PAK2: variants seen among roughly 807,000 people sequenced by gnomAD.
The protein encoded by PAK2 is serine/threonine-protein kinase PAK 2.
PAK2 carries 21 observed loss-of-function variants against 65.9 expected under a neutral mutation model. The ratio of observed to expected loss-of-function variants is 0.32; its 90% CI spans 0.23 to 0.46. The LOEUF (loss-of-function observed/expected upper bound fraction) is 0.46. PAK2 is among the 20% of genes least tolerant of loss of function. PAK2 has a pLI of 1.00. For missense variants in PAK2, 324 were observed against 642.6 expected, an observed-to-expected ratio of 0.50 and a Z score of 5.36; for synonymous variants, 204 against 219.7, an observed-to-expected ratio of 0.93 and a Z score of 0.63.
rs941629608 is a variant in PAK2 at position 196,740,034 on chromosome 3, C to T, written c.-145C>T. On this transcript the variant is annotated 5_prime_UTR_variant, in exon 1 of 15. Transcript: ENST00000327134. Reference sequence around the variant, plus strand: ...GCTGCTCCAGCGCGGCGTCTCTTCCCGCCCCGCTTCCCCTTCCCTCCCCTC... The same window carrying T: ...GCTGCTCCAGCGCGGCGTCTCTTCCTGCCCCGCTTCCCCTTCCCTCCCCTC... 2.0e-4 allele frequency: 30 copies of T among 152,086 alleles called. No homozygotes were observed. Among genetic ancestry groups the T allele is most frequent in the African/African-American group, 6.3e-4 (26 of 41,416 alleles). 9.4% of individuals were successfully genotyped at this position (152,086 alleles called of 1,614,324 possible). A position where few individuals can be genotyped will look rare whatever the true frequency, so the allele number is the denominator to read the frequency against.
intron 1 of PAK2, among the ~76,000 whole-genome samples, chr3:196,759,504 T>TGTTTTTTTTG (rs1279596572): frequency 7.2e-5 from 1 of 13,814 alleles, no homozygotes. Flanking sequence ...TTTTGTTTTT[T>TGTTTTTTTTG]TTTTTTTTTT....
chr3:196,749,404 A>G (rs1323502119), intron 1 of PAK2, among the ~76,000 whole-genome samples: 1 of 152,082 alleles, frequency 6.6e-6, no homozygotes, highest in African/African-American at 2.4e-5. Context: ...CCTTTTTAAC[A>G]CAACCGTTGT....
At chr3:196,758,274 A>G (rs112409777) in intron 1 of PAK2, among the ~76,000 whole-genome samples, 3,011 of 152,330 alleles carry the variant, frequency 0.02, 102 homozygotes, top group African/African-American at 0.068. Flanking sequence ...GAAATAAACC[A>G]ATACTTGTGG....
In PAK2 at chr3:196,812,248, A is replaced by T. The variant is rs1715852439; in HGVS notation, c.803A>T (p.Asp268Val). Residue 268 changes from aspartate to valine, a missense_variant, in exon 9 of 15, where the codon GAC (aspartate) becomes GTC (valine). Asp to Val is a radical substitution (Grantham distance 152). Transcript: ENST00000327134. ...TCTGGTACAGTTTTCACTGCTACTG[A>T]CGTTGCACTGGGACAGGAGGTAGTT... ...GASGTVFTATDVALGQEVAIK... is the reference protein window; with the variant it reads ...GASGTVFTATVVALGQEVAIK... 1 of 1,590,392 alleles carries T rather than the reference A, an allele frequency of 6.3e-7. No homozygotes were observed. The highest frequency in any genetic ancestry group is 8.6e-7 in the Non-Finnish European group (1 of 1,158,730).
chr3:196,801,429 T>C (rs947663397), intron 2 of PAK2, among the ~76,000 whole-genome samples: 2 of 152,208 alleles, frequency 1.3e-5, no homozygotes, highest in African/African-American at 4.8e-5. Flanking sequence ...GACAGTCTGC[T>C]TTACTTCATT....
chr3:196,818,038 G>T lies in PAK2; in HGVS notation c.1054-19G>T. 1.0e-6 allele frequency: 1 copy of T among 979,078 alleles called. No individual in the cohort carries two copies. Among genetic ancestry groups the T allele is most frequent in the Non-Finnish European group, 1.6e-6 (1 of 606,296 alleles). 60.6% of individuals were successfully genotyped at this position (979,078 alleles called of 1,614,324 possible). A position where few individuals can be genotyped will look rare whatever the true frequency, so the allele number is the denominator to read the frequency against. On this transcript the variant is annotated intron_variant, in intron 11 of 14. Coordinates refer to ENST00000327134, the MANE Select transcript of PAK2 (RefSeq NM_002577.4). ...TTTTCAGGGACTATTTCATTAATAG[G>T]TGTTTTTCTTCTGTTCAGTGTTTAC...
chr3:196,827,172 T>A (rs1157393494), intron 13 of PAK2, 24 bp from the exon 14 acceptor site: 2 of 1,550,310 alleles, frequency 1.3e-6, no homozygotes, highest in Non-Finnish European at 1.8e-6. Context: ...CTTAAGTGGA[T>A]CAAAGATGTT....
At chr3:196,821,186 T>G (rs2108773480) in intron 13 of PAK2, among the ~76,000 whole-genome samples, 1 of 152,070 alleles carries the variant, frequency 6.6e-6, no homozygotes, top group African/African-American at 2.4e-5. Context: ...ACATTATCAG[T>G]TATTAAGGAA....
At chr3:196,795,550 T>C (rs1237153366) in intron 2 of PAK2, among the ~76,000 whole-genome samples, 5 of 152,072 alleles carry the variant, frequency 3.3e-5, no homozygotes, top group Non-Finnish European at 7.4e-5. Context: ...AGACTCATTA[T>C]ATATATAGGA....
chr3:196,754,027 A>G (rs1713693011), intron 1 of PAK2, among the ~76,000 whole-genome samples: 1 of 151,886 alleles, frequency 6.6e-6, no homozygotes, highest in Non-Finnish European at 1.5e-5. Flanking sequence ...GCCCTTTTTT[A>G]CCACTCGTTT....
chr3:196,755,821 T>C (rs1244868810), intron 1 of PAK2, among the ~76,000 whole-genome samples: 2 of 151,882 alleles, frequency 1.3e-5, no homozygotes, highest in Admixed American at 6.6e-5. Context: ...AGCGGCATGA[T>C]CTTGGCTCAC....
Position 196,759,498 on chromosome 3 carries a change from G to GTTTTTTT in PAK2, c.-22+19374_-22+19380dup, listed in dbSNP as rs71301221. 3.8e-3 allele frequency among the ~76,000 whole-genome samples: 409 copies of GTTTTTTT among 108,058 alleles called. 45 individuals are homozygous for GTTTTTTT. The highest frequency in any genetic ancestry group is 4.6e-3 in the Non-Finnish European group (252 of 55,370). The allele number at this position is 108,058 out of a possible 152,430, so 70.9% of individuals were successfully genotyped here. A position where few individuals can be genotyped will look rare whatever the true frequency, so the allele number is the denominator to read the frequency against. ...GGTATACAGTTAAGTGGTTTTTTTT[G>GTTTTTTT]TTTTTTTTTTTTTTTTTTTTTTTTT... is the stretch of plus-strand genomic sequence containing the variant. On this transcript the variant is annotated intron_variant, in intron 1 of 14. Coordinates refer to ENST00000327134, the MANE Select transcript of PAK2 (RefSeq NM_002577.4).
chr3:196,806,104 G>A (rs915896785), intron 5 of PAK2, among the ~76,000 whole-genome samples: 1 of 151,662 alleles, frequency 6.6e-6, no homozygotes, highest in African/African-American at 2.4e-5. Context: ...GTAGAGACGG[G>A]GTTTTACCGT....
rs1713596916 is a variant in PAK2 at position 196,751,676 on chromosome 3, T to TATATATATAA, written c.-22+11528_-22+11529insAATATATATA. Among the ~76,000 whole-genome samples, 2 of 38,296 alleles carry TATATATATAA rather than the reference T, an allele frequency of 5.2e-5. 1 individual carries two copies. Among genetic ancestry groups the TATATATATAA allele is most frequent in the South Asian group, 1.3e-3 (2 of 1,496 alleles). 25.1% of individuals were successfully genotyped at this position (38,296 alleles called of 152,430 possible). On this transcript the variant is annotated intron_variant, in intron 1 of 14. Transcript: ENST00000327134. ...AAACACACAAATTTATTTATATACA[T>TATATATATAA]ATATATATATATATATATAATTCAG...
At chr3:196,746,770 A>G (rs916973796) in intron 1 of PAK2, among the ~76,000 whole-genome samples, 2 of 150,770 alleles carry the variant, frequency 1.3e-5, no homozygotes, top group African/African-American at 4.9e-5. Context: ...AGATCGTGCC[A>G]TTGCACTCCA....
chr3:196,824,966 C>T (rs1711784976), intron 13 of PAK2, among the ~76,000 whole-genome samples: 1 of 152,120 alleles, frequency 6.6e-6, no homozygotes, highest in South Asian at 2.1e-4. Flanking sequence ...TAAAACTCCA[C>T]ATTGGGGAGG....
chr3:196,808,120 C>G (rs538502732), intron 7 of PAK2: 1 of 418,286 alleles, frequency 2.4e-6, no homozygotes, highest in Non-Finnish European at 4.3e-6. Flanking sequence ...GAGATCAAGA[C>G]CAGCCTGGCC....
chr3:196,790,225 G>A lies in PAK2; in HGVS notation c.187+7392G>A, dbSNP rs73074669. 4.8e-3 allele frequency among the ~76,000 whole-genome samples: 738 copies of A among 152,302 alleles called. 3 individuals are homozygous for A. The highest frequency in any genetic ancestry group is 0.017 in the African/African-American group (698 of 41,560). ...GTTTAGCCTTAGATGTAGCTTGAAA[G>A]CAGTCTAAAAGGTAGTGCCCTAGAG... On this transcript the variant is annotated intron_variant, in intron 2 of 14. Coordinates refer to ENST00000327134, the MANE Select transcript of PAK2 (RefSeq NM_002577.4).
At chr3:196,816,353 C>G (rs1474525236) in intron 11 of PAK2, among the ~76,000 whole-genome samples, 3 of 152,090 alleles carry the variant, frequency 2.0e-5, no homozygotes, top group African/African-American at 7.2e-5. Flanking sequence ...AATAAGAACT[C>G]TTGAATAGAA....
Sources: gnomAD v4.1 joint callset for allele counts (sites outside exome capture counted in the v4.1 genomes callset) on GRCh38, gnomAD v4.1.1 for gene constraint, MANE v1.5 for transcripts, NCBI Gene and HGNC (gene_info 2026-07-23, HGNC 2026-07-21) for gene names.